Variants in CD163 observed in about 807,000 individuals in gnomAD.
CD163 encodes scavenger receptor cysteine-rich type 1 protein M130.
A neutral mutation model predicts 129.2 loss-of-function variants in CD163; 64 were observed. The ratio of observed to expected loss-of-function variants is 0.50; its 90% CI spans 0.41 to 0.61. CD163 has a LOEUF of 0.61. CD163 is among the 20% of genes least tolerant of loss of function. The pLI, the probability that CD163 is intolerant of heterozygous loss-of-function variation, is 0.00. For missense variants in CD163, 1,061 were observed against 1,377.9 expected (o/e 0.77, Z 3.64); for synonymous variants, 446 against 478.5 (o/e 0.93, Z 0.89).
At chr12:7,479,780 T>C (rs12304718) in intron 16 of CD163, 80 bp downstream of exon 16, 207,895 of 1,448,588 alleles carry the variant, frequency 0.14, 15,516 homozygotes, top group South Asian at 0.16. Context: ...CATTCTTTCT[T>C]TCTAATGCCA....
intron 10 of CD163, among the ~76,000 whole-genome samples, 189 bp downstream of exon 10, chr12:7,486,310 A>C (rs759667326): frequency 6.6e-6 from 1 of 152,218 alleles, no homozygotes; most frequent in East Asian, 1.9e-4. Context: ...TTTTCTCTTT[A>C]CAATGTTGCA....
chr12:7,498,146 C>CAG (rs1555079445), intron 4 of CD163, among the ~76,000 whole-genome samples: 2,829 of 148,870 alleles, frequency 0.019, 52 homozygotes, highest in East Asian at 0.058. Context: ...CACACACACA[C>CAG]AGAGAGAGAG....
intron 15 of CD163, chr12:7,480,492 CA>C (rs1949148068): frequency 2.0e-5 from 3 of 152,330 alleles, no homozygotes; most frequent in Admixed American, 6.6e-5. Flanking sequence ...TAATAAATAT[CA>C]AGCTAGAGAA....
Position 7,485,054 on chromosome 12 carries a change from G to A in CD163, c.2779+42C>T. On this transcript the variant is annotated intron_variant, in intron 11 of 16. Transcript: ENST00000432237. This position sits in a 1 kb window ranked among gnomAD's most constrained non-coding sequence, Gnocchi z 4.5. Reference sequence around the variant, plus strand: ...GTCCATTATCAGAAGATGATAGCGGGGCTGCAGAATGGAATTTTCATATAG... The same window carrying A: ...GTCCATTATCAGAAGATGATAGCGGAGCTGCAGAATGGAATTTTCATATAG... The A allele has an allele frequency of 6.7e-7, 1 of 1,491,202 alleles. No homozygotes were observed. The highest frequency in any genetic ancestry group is 1.4e-5 in the African/African-American group (1 of 72,546). The allele number at this position is 1,491,202 out of a possible 1,614,324, so 92.4% of individuals were successfully genotyped here. A position where few individuals can be genotyped will look rare whatever the true frequency, so the allele number is the denominator to read the frequency against.
intron 1 of CD163, 79 bp downstream of exon 1, chr12:7,503,566 T>G (rs1485635864): frequency 1.0e-6 from 1 of 974,488 alleles, no homozygotes; most frequent in African/African-American, 1.6e-5. Flanking sequence ...CCAATCACTT[T>G]TAAATCACAT....
intron 6 of CD163, among the ~76,000 whole-genome samples, chr12:7,494,696 C>A (rs1949375844): frequency 6.7e-6 from 1 of 149,574 alleles, no homozygotes; most frequent in Admixed American, 6.7e-5. Flanking sequence ...ACAGGTTTTC[C>A]AAAAAAAAAG....
intron 15 of CD163, chr12:7,480,476 A>T (rs1031685876): frequency 6.6e-6 from 1 of 152,602 alleles, no homozygotes; most frequent in African/African-American, 2.4e-5. Flanking sequence ...CTTTTAGGGA[A>T]AAATATAATA....
intron 16 of CD163, among the ~76,000 whole-genome samples, chr12:7,478,803 G>A (rs1436694370): frequency 6.6e-6 from 1 of 151,730 alleles, no homozygotes; most frequent in Non-Finnish European, 1.5e-5. Flanking sequence ...TATATAATAT[G>A]TAGATGAATT....
intron 5 of CD163, 82 bp from the exon 6 acceptor site, chr12:7,495,483 C>T: frequency 2.6e-6 from 3 of 1,167,580 alleles, no homozygotes. Flanking sequence ...TTTTTCTTCT[C>T]TGATACTGAT....
chr12:7,481,829 T>TC (rs1565399045), intron 14 of CD163, among the ~76,000 whole-genome samples: 1 of 151,892 alleles, frequency 6.6e-6, no homozygotes. Flanking sequence ...TCAACTTTTC[T>TC]CCCCCCGCCC....
At chr12:7,482,821 C>T in intron 13 of CD163, 59 bp from the exon 14 acceptor site, 1 of 1,600,522 alleles carries the variant, frequency 6.2e-7, no homozygotes. Context: ...ATCAAGGTCC[C>T]TAGTTACTGA....
chr12:7,493,195 A>C (rs1456824756), intron 6 of CD163, among the ~76,000 whole-genome samples: 1 of 152,164 alleles, frequency 6.6e-6, no homozygotes, highest in Non-Finnish European at 1.5e-5. Flanking sequence ...TGGGTTGTGA[A>C]AGGTGTGCTG....
chr12:7,498,988 G>A lies in CD163; in HGVS notation c.658C>T (p.Pro220Ser), dbSNP rs768701454. 6.2e-7 allele frequency: 1 copy of A among 1,614,074 alleles called. No homozygotes were observed. Among genetic ancestry groups the A allele is most frequent in the Non-Finnish European group, 8.5e-7 (1 of 1,180,002 alleles). Reference sequence around the variant, plus strand: ...CATATAAGATCATCAAACCAGATTGGTCCAGAGCCTTCTCCAAAATTAGAT... The same window carrying A: ...CATATAAGATCATCAAACCAGATTGATCCAGAGCCTTCTCCAAAATTAGAT... ...GSSNFGEGSGPIWFDDLICNG... is the reference protein window; with the variant it reads ...GSSNFGEGSGSIWFDDLICNG... The change falls in exon 4 of 17, where the codon CCA (proline) becomes TCA (serine). Residue 220 changes from proline (P) to serine (S), a missense_variant. Coordinates refer to ENST00000432237, the MANE Select transcript of CD163 (RefSeq NM_203416.4).
Position 7,487,264 on chromosome 12 carries a change from C to T in CD163, c.2050+95G>A. On this transcript the variant is annotated intron_variant, in intron 8 of 16. Transcript: ENST00000432237. The surrounding 1 kb of genome is among the most constrained non-coding windows in gnomAD (Gnocchi z 5.1). The stretch of plus-strand genomic sequence containing the variant: ...GAATTAGTATTCATTCTTCTCATGA[C>T]CCTTCAAAATGGATCACTGCGTTTT... 1 of 1,299,356 alleles carries T rather than the reference C, an allele frequency of 7.7e-7. No homozygotes were observed. The highest frequency in any genetic ancestry group is 1.5e-5 in the African/African-American group (1 of 67,296). The allele number at this position is 1,299,356 out of a possible 1,614,324, so 80.5% of individuals were successfully genotyped here. A position where few individuals can be genotyped will look rare whatever the true frequency, so the allele number is the denominator to read the frequency against.
At chr12:7,492,160 C>A (rs1949335022) in intron 6 of CD163, among the ~76,000 whole-genome samples, 1 of 151,834 alleles carries the variant, frequency 6.6e-6, no homozygotes, top group Admixed American at 6.6e-5. Context: ...AAACCAAGGC[C>A]CCCAACATAA....
chr12:7,485,051 C>A lies in CD163; in HGVS notation c.2779+45G>T. Reference sequence around the variant, plus strand: ...AGTGTCCATTATCAGAAGATGATAGCGGGGCTGCAGAATGGAATTTTCATA... The same window carrying A: ...AGTGTCCATTATCAGAAGATGATAGAGGGGCTGCAGAATGGAATTTTCATA... On this transcript the variant is annotated intron_variant, in intron 11 of 16. Transcript: ENST00000432237. The surrounding 1 kb of genome is among the most constrained non-coding windows in gnomAD (Gnocchi z 4.5). 1 of 1,470,078 alleles carries A rather than the reference C, an allele frequency of 6.8e-7. No homozygotes were observed. The highest frequency in any genetic ancestry group is 9.2e-7 in the Non-Finnish European group (1 of 1,086,126). 91.1% of individuals were successfully genotyped at this position (1,470,078 alleles called of 1,614,324 possible).
Position 7,487,926 on chromosome 12 carries a change from G to A in CD163, c.1582C>T (p.Leu528=). 1.2e-6 allele frequency: 2 copies of A among 1,614,028 alleles called. No individual in the cohort carries two copies. The highest frequency in any genetic ancestry group is 1.7e-6 in the Non-Finnish European group (2 of 1,179,984). The change falls in exon 7 of 17, where the codon CTG becomes TTG. Residue 528 remains leucine, a synonymous_variant. Transcript: ENST00000432237. This position sits in a 1 kb window ranked among gnomAD's most constrained non-coding sequence, Gnocchi z 5.1. ...ELQCGTVVSI[L]GGAHFGEGNG... The stretch of plus-strand genomic sequence containing the variant: ...CCCTCTCCAAAGTGAGCTCCCCCCA[G>A]GATAGAGACAACTGTGCCACACTGT...
intron 10 of CD163, among the ~76,000 whole-genome samples, chr12:7,486,267 T>C (rs931048263): frequency 6.6e-6 from 1 of 152,226 alleles, no homozygotes; most frequent in African/African-American, 2.4e-5. Context: ...AACTTTGTTG[T>C]CATTTTCATG....
chr12:7,476,177 G>C (rs1949084286), intron 16 of CD163, among the ~76,000 whole-genome samples: 1 of 152,086 alleles, frequency 6.6e-6, no homozygotes, highest in Non-Finnish European at 1.5e-5. Flanking sequence ...GTTATTTATA[G>C]ATTCAATGCT....
Sources: gnomAD v4.1 joint callset for allele counts (sites outside exome capture counted in the v4.1 genomes callset) on GRCh38, gnomAD v4.1.1 for gene constraint, Gnocchi (gnomAD v3.1) non-coding constraint, MANE v1.5 for transcripts, NCBI Gene and HGNC (gene_info 2026-07-23, HGNC 2026-07-21) for gene names.